DPP4: variants seen among roughly 807,000 people sequenced by gnomAD.
The protein encoded by DPP4 is ADCP-2.
Under a neutral mutation model 122.4 loss-of-function variants are expected in DPP4, and 93 were observed. The observed-to-expected ratio is 0.76, with a 90% CI of 0.64 to 0.90. The LOEUF is 0.90. Among genes scored for constraint, DPP4 ranks in the 40% least tolerant of loss-of-function variants. The pLI, the probability that DPP4 is intolerant of heterozygous loss-of-function variation, is 0.00. For synonymous variants in DPP4, 321 were observed against 302.9 expected (o/e 1.06, Z -0.62); for missense variants, 914 against 907.3 (o/e 1.01, Z -0.09).
rs763246423 is a variant in DPP4 at position 162,022,777 on chromosome 2, CTCATTTCAA to C, written c.1037_1045del (p.Ile346_Met348del). 2.5e-6 allele frequency: 4 copies of C among 1,613,920 alleles called. No individual in the cohort carries two copies. The African/African-American group carries it at 5.3e-5, about 22-fold the overall frequency. On this transcript the variant is annotated inframe_deletion, in exon 12 of 26. Coordinates refer to ENST00000360534, the MANE Select transcript of DPP4 (RefSeq NM_001935.4). ...TACTCTTCCAACCCAGCCAGTAGTA[CTCATTTCAA>C]TGTGTTGCCGTGCCTAGGAAGGGAA...
intron 5 of DPP4, among the ~76,000 whole-genome samples, chr2:162,043,036 C>T (rs1684041179): frequency 6.6e-6 from 1 of 152,062 alleles, no homozygotes; most frequent in Non-Finnish European, 1.5e-5. Flanking sequence ...GTGATTTTGC[C>T]TTTAGATGGG....
chr2:162,008,593 G>C lies in DPP4; in HGVS notation c.1956C>G (p.Ala652=). 6.2e-7 allele frequency: 1 copy of C among 1,613,428 alleles called. No homozygotes were observed. The highest frequency in any genetic ancestry group is 1.1e-5 in the South Asian group (1 of 91,028). Residue 652 remains alanine (A), a synonymous_variant, in exon 22 of 26, where the codon GCC becomes GCG. Coordinates refer to ENST00000360534, the MANE Select transcript of DPP4 (RefSeq NM_001935.4). ...ACTCCCACCGGGATACAGGCGCCAC[G>C]GCTATTCCACACTTGAACACGCCAC... ...SGSGVFKCGI[A]VAPVSRWEYY... is the part of the protein sequence containing the mutation.
intron 2 of DPP4, among the ~76,000 whole-genome samples, chr2:162,053,846 G>A (rs1007230864): frequency 6.6e-6 from 1 of 152,234 alleles, no homozygotes; most frequent in Non-Finnish European, 1.5e-5. Context: ...GAAGAGAACT[G>A]CCACAGAAGC....
chr2:162,009,214 A>C, intron 21 of DPP4, 27 bp downstream of exon 21: 1 of 1,609,556 alleles, frequency 6.2e-7, no homozygotes, highest in African/African-American at 1.3e-5. Context: ...TAACGAATGC[A>C]TACAGATTCA....
At chr2:162,035,061 G>A in intron 9 of DPP4, 103 bp downstream of exon 9, 1 of 1,206,766 alleles carries the variant, frequency 8.3e-7, no homozygotes, top group Non-Finnish European at 1.1e-6. Context: ...ACAGCAAGCT[G>A]TTGAAGAGAG....
intron 2 of DPP4, among the ~76,000 whole-genome samples, chr2:162,067,221 G>A (rs1024557376): frequency 6.6e-6 from 1 of 152,170 alleles, no homozygotes; most frequent in African/African-American, 2.4e-5. Context: ...ATGGACATGA[G>A]TTTGAGCAGG....
intron 2 of DPP4, among the ~76,000 whole-genome samples, chr2:162,060,504 A>G (rs138928675): frequency 7.0e-4 from 106 of 152,352 alleles, no homozygotes; most frequent in African/African-American, 2.4e-3. Context: ...AAGCTTTAAA[A>G]TAGGTTTGTT....
intron 9 of DPP4, among the ~76,000 whole-genome samples, chr2:162,034,249 G>A (rs1334723463): frequency 6.6e-6 from 1 of 151,992 alleles, no homozygotes. Context: ...ATAGATCTTC[G>A]ATTGACAGAT....
intron 2 of DPP4, among the ~76,000 whole-genome samples, chr2:162,056,238 T>C (rs940649645): frequency 2.6e-5 from 4 of 152,260 alleles, no homozygotes; most frequent in African/African-American, 4.8e-5. Flanking sequence ...CCTCCCTTAA[T>C]TGGATGTAAG....
chr2:162,063,573 G>A (rs1684853951), intron 2 of DPP4, among the ~76,000 whole-genome samples: 1 of 151,878 alleles, frequency 6.6e-6, no homozygotes, highest in African/African-American at 2.4e-5. Flanking sequence ...GAGGGGAGGT[G>A]GAGAAGAAGG....
chr2:162,045,675 T>A, intron 4 of DPP4, 63 bp from the exon 5 acceptor site: 2 of 1,162,712 alleles, frequency 1.7e-6, no homozygotes, highest in Non-Finnish European at 2.6e-6. Flanking sequence ...CACTGTGCAC[T>A]TACTTCATAG....
chr2:162,004,194 A>G (rs1204294430), intron 23 of DPP4, among the ~76,000 whole-genome samples: 5 of 152,200 alleles, frequency 3.3e-5, no homozygotes, highest in Non-Finnish European at 7.3e-5. Context: ...ACAAGAAGGA[A>G]CCATGAACAT....
In DPP4 at chr2:161,993,267, A is replaced by G; in HGVS notation, c.*16T>C. The G allele has an allele frequency of 6.3e-7, 1 of 1,575,350 alleles. No homozygotes were observed. Among genetic ancestry groups the G allele is most frequent in the Non-Finnish European group, 8.7e-7 (1 of 1,144,962 alleles). On this transcript the variant is annotated 3_prime_UTR_variant, in exon 26 of 26. Coordinates refer to ENST00000360534, the MANE Select transcript of DPP4 (RefSeq NM_001935.4). ...TGAGTTTTAATAAGCTTTAAATGGC[A>G]TGGTATTTTGAGGTGCTAAGGTAAA... is the stretch of plus-strand genomic sequence containing the variant.
rs762580564 is a variant in DPP4, at chr2:161,994,987, C to G, written c.2173G>C (p.Asp725His). 2.5e-6 allele frequency: 4 copies of G among 1,613,964 alleles called. No homozygotes were observed. Among genetic ancestry groups the G allele is most frequent in the African/African-American group, 1.3e-5 (1 of 74,928 alleles). ...ATTGCCTGGAAATCCACTCCAACAT[C>G]GACCAGGGCTTTGGAGATCTGAGCT... The part of the protein sequence containing the change: ...QSAQISKALV[D>H]VGVDFQAMWY... Residue 725 changes from aspartate (D) to histidine (H), a missense_variant, in exon 25 of 26, where the codon GAT (aspartate) becomes CAT (histidine). Asp to His is a moderately conservative substitution (Grantham distance 81, BLOSUM62 -1). Coordinates refer to ENST00000360534, the MANE Select transcript of DPP4 (RefSeq NM_001935.4).
intron 16 of DPP4, among the ~76,000 whole-genome samples, chr2:162,018,348 G>T (rs1333212557): frequency 6.6e-6 from 1 of 152,186 alleles, no homozygotes; most frequent in Non-Finnish European, 1.5e-5. Context: ...ATTAATAATA[G>T]CAACAGCAAC....
chr2:162,031,134 G>T (rs1683536241), intron 10 of DPP4, among the ~76,000 whole-genome samples: 1 of 152,186 alleles, frequency 6.6e-6, no homozygotes, highest in African/African-American at 2.4e-5. Flanking sequence ...GGTCCAGCAG[G>T]CATAGGCCTT....
At chr2:162,004,959 A>G (rs1300707327) in intron 23 of DPP4, among the ~76,000 whole-genome samples, 1 of 152,234 alleles carries the variant, frequency 6.6e-6, no homozygotes, top group East Asian at 1.9e-4. Context: ...GGGTTTTAAA[A>G]AAATTTTTTT....
At chr2:162,068,978 C>T (rs1377845090) in intron 2 of DPP4, among the ~76,000 whole-genome samples, 1 of 152,150 alleles carries the variant, frequency 6.6e-6, no homozygotes, top group Non-Finnish European at 1.5e-5. Context: ...CAGCCCCAGT[C>T]AGGCTTTCAG....
chr2:162,043,216 G>A (rs571325801), intron 5 of DPP4, among the ~76,000 whole-genome samples: 103 of 152,270 alleles, frequency 6.8e-4, no homozygotes, highest in Non-Finnish European at 1.2e-3. Context: ...AGGTGCAGAT[G>A]AGACGAGAAG....
Sources: allele counts gnomAD v4.1 joint callset (sites outside exome capture counted in the v4.1 genomes callset), GRCh38; gene constraint gnomAD v4.1.1; transcripts MANE v1.5; gene names NCBI Gene and HGNC (gene_info 2026-07-23, HGNC 2026-07-21).